The following LARS2 variants were observed in gnomAD, a reference collection of about 807,000 sequenced individuals.
LARS2 encodes leucine--tRNA ligase, mitochondrial.
LARS2 carries 81 observed loss-of-function variants against 116.6 expected under a neutral mutation model. That is an observed-to-expected ratio of 0.69 (90% CI 0.58 to 0.84). The LOEUF (loss-of-function observed/expected upper bound fraction) is 0.84, where lower values mean the gene tolerates loss of function less well. Among genes scored for constraint, LARS2 ranks in the 40% least tolerant of loss-of-function variants. The pLI, the probability that LARS2 is intolerant of heterozygous loss-of-function variation, is 0.00. For missense variants in LARS2, 968 were observed against 1,114.5 expected, an observed-to-expected ratio of 0.87 and a Z score of 1.87; for synonymous variants, 396 against 407.2, an observed-to-expected ratio of 0.97 and a Z score of 0.33.
At chr3:45,485,932 C>A in intron 11 of LARS2, 136 bp downstream of exon 11, 1 of 549,210 alleles carries the variant, frequency 1.8e-6, no homozygotes, top group Non-Finnish European at 3.3e-6. Flanking sequence ...AAATGAATAA[C>A]CCTTCATTTA....
At chr3:45,437,537 G>T (rs1163170978) in intron 6 of LARS2, among the ~76,000 whole-genome samples, 2 of 152,198 alleles carry the variant, frequency 1.3e-5, no homozygotes, top group African/African-American at 4.8e-5. Context: ...AGTCAGTGAG[G>T]CTGAGGAAGC....
At chr3:45,458,720 AT>A (rs751504968) in intron 7 of LARS2, 22 bp from the exon 8 acceptor site, 14 of 1,612,490 alleles carry the variant, frequency 8.7e-6, no homozygotes, top group Non-Finnish European at 1.0e-5. Context: ...AGATTGTGCC[AT>A]TTTGTTTCAT....
intron 15 of LARS2, among the ~76,000 whole-genome samples, chr3:45,505,721 T>C (rs1575300200): frequency 6.6e-6 from 1 of 152,024 alleles, no homozygotes. Context: ...CTCCTTCTTA[T>C]GTAGGTCTGG....
At chr3:45,392,943 A>T (rs1172685248) in intron 2 of LARS2, among the ~76,000 whole-genome samples, 4 of 152,184 alleles carry the variant, frequency 2.6e-5, no homozygotes, top group Non-Finnish European at 4.4e-5. Context: ...CACTTCTTGA[A>T]TGCTGTTATG....
At chr3:45,421,450 A>G (rs1698511798) in intron 6 of LARS2, 1 of 152,224 alleles carries the variant, frequency 6.6e-6, no homozygotes, top group African/African-American at 2.4e-5. Context: ...CTCTAATTCA[A>G]TGATGTAGAT....
intron 12 of LARS2, 151 bp downstream of exon 12, chr3:45,488,963 C>T (rs1699865847): frequency 1.6e-6 from 1 of 629,580 alleles, no homozygotes; most frequent in Non-Finnish European, 2.9e-6. Context: ...AAATAATATT[C>T]TTCAAGATCT....
chr3:45,462,300 G>A (rs1438884224), intron 8 of LARS2, among the ~76,000 whole-genome samples: 3 of 152,068 alleles, frequency 2.0e-5, no homozygotes, highest in African/African-American at 7.2e-5. Flanking sequence ...AGGAAGAAAA[G>A]GGCTGGGTAC....
chr3:45,492,552 C>T (rs376089999), intron 13 of LARS2, among the ~76,000 whole-genome samples: 3 of 152,168 alleles, frequency 2.0e-5, no homozygotes, highest in Non-Finnish European at 4.4e-5. Flanking sequence ...TAGGTAACCA[C>T]GTAGTGTAAT....
chr3:45,476,667 A>C (rs371702094), intron 10 of LARS2, 40 bp downstream of exon 10: 2 of 1,606,316 alleles, frequency 1.2e-6, no homozygotes, highest in African/African-American at 2.7e-5. Context: ...TAGGATTGCT[A>C]CCTTACATTT....
intron 15 of LARS2, among the ~76,000 whole-genome samples, chr3:45,502,913 A>G (rs1700143017): frequency 6.6e-6 from 1 of 151,940 alleles, no homozygotes; most frequent in South Asian, 2.1e-4. Context: ...ATACTATTTT[A>G]TATTATCTGA....
At chr3:45,482,459 G>A (rs551742044) in intron 10 of LARS2, among the ~76,000 whole-genome samples, 2 of 152,110 alleles carry the variant, frequency 1.3e-5, no homozygotes, top group South Asian at 4.2e-4. Context: ...TTCTGAGAGG[G>A]CTATATAGAG....
chr3:45,396,261 G>A (rs1698043224), intron 3 of LARS2, among the ~76,000 whole-genome samples: 1 of 152,262 alleles, frequency 6.6e-6, no homozygotes, highest in Non-Finnish European at 1.5e-5. Flanking sequence ...TGGCAAAGCA[G>A]AGTGAGCACT....
intron 7 of LARS2, among the ~76,000 whole-genome samples, chr3:45,458,109 T>G (rs147525547): frequency 6.6e-6 from 1 of 152,328 alleles, no homozygotes; most frequent in Non-Finnish European, 1.5e-5. Flanking sequence ...AATAATCCTA[T>G]TCTGTCAAAT....
intron 20 of LARS2, among the ~76,000 whole-genome samples, chr3:45,532,557 C>T (rs1450250691): frequency 1.3e-5 from 2 of 152,194 alleles, no homozygotes; most frequent in African/African-American, 4.8e-5. Context: ...AGTTATTTTA[C>T]TAAGACTAGC....
intron 6 of LARS2, among the ~76,000 whole-genome samples, chr3:45,430,763 C>G (rs796702798): frequency 3.2e-5 from 4 of 126,582 alleles, no homozygotes; most frequent in South Asian, 5.2e-4. Context: ...TTTTTTGTAT[C>G]TTTAGTAGAG....
In LARS2 at chr3:45,518,059, C is replaced by A; in HGVS notation, c.2201C>A (p.Ser734Tyr). 3 of 1,612,508 alleles carry A rather than the reference C, an allele frequency of 1.9e-6. No individual in the cohort carries two copies. Among genetic ancestry groups the A allele is most frequent in the Non-Finnish European group, 2.5e-6 (3 of 1,179,056 alleles). The change falls in exon 18 of 22, where the codon TCC becomes TAC. Residue 734 changes from serine to tyrosine, a missense_variant. Coordinates refer to ENST00000645846, the MANE Select transcript of LARS2 (RefSeq NM_015340.4). ...EARKLWEYKN[S>Y]VISQVTTHFT... The stretch of plus-strand genomic sequence containing the variant: ...AGGAAGCTCTGGGAGTACAAGAACT[C>A]CGTCATCTCTCAGGTCAGAAACTCT...
At chr3:45,417,155 A>G (rs1698438623) in intron 4 of LARS2, among the ~76,000 whole-genome samples, 1 of 151,890 alleles carries the variant, frequency 6.6e-6, no homozygotes, top group Non-Finnish European at 1.5e-5. Flanking sequence ...GTGTGTATAT[A>G]TATATGTGAA....
At chr3:45,446,466 G>A (rs900271964) in intron 6 of LARS2, among the ~76,000 whole-genome samples, 1 of 152,204 alleles carries the variant, frequency 6.6e-6, no homozygotes, top group Non-Finnish European at 1.5e-5. Flanking sequence ...TTTCAAATGA[G>A]GATCATACTG....
intron 15 of LARS2, among the ~76,000 whole-genome samples, chr3:45,510,231 A>G (rs1195481523): frequency 6.6e-6 from 1 of 151,966 alleles, no homozygotes; most frequent in African/African-American, 2.4e-5. Flanking sequence ...TGGGCAACAT[A>G]GTGAGACTTC....
Sources: gnomAD v4.1 joint callset for allele counts (sites outside exome capture counted in the v4.1 genomes callset) on GRCh38, gnomAD v4.1.1 for gene constraint, MANE v1.5 for transcripts, NCBI Gene and HGNC (gene_info 2026-07-23, HGNC 2026-07-21) for gene names.